FBXW7: variants seen among roughly 807,000 people sequenced by gnomAD.
FBXW7 encodes the protein F-box and WD repeat domain containing 7, also known as F-box/WD repeat-containing protein 7.
FBXW7 carries 11 observed loss-of-function variants against 86.3 expected under a neutral mutation model. That is an observed-to-expected ratio of 0.13 (90% CI 0.08 to 0.21). The LOEUF is 0.21. FBXW7 is among the 10% of genes least tolerant of loss of function. The probability of loss-of-function intolerance (pLI) is 1.00; values close to 1 mark genes in which losing one functional copy is unlikely to be tolerated. For missense variants in FBXW7, 488 were observed against 847.4 expected (o/e 0.58, Z 5.27); for synonymous variants, 313 against 297.9 (o/e 1.05, Z -0.52).
chr4:152,355,439 A>G (rs1424895095), intron 4 of FBXW7, among the ~76,000 whole-genome samples: 1 of 152,154 alleles, frequency 6.6e-6, no homozygotes, highest in Non-Finnish European at 1.5e-5. Flanking sequence ...CACAGGAAAG[A>G]AGGTCAACCA....
chr4:152,461,368 T>C (rs986118109), intron 2 of FBXW7, among the ~76,000 whole-genome samples: 7 of 152,240 alleles, frequency 4.6e-5, no homozygotes, highest in Non-Finnish European at 8.8e-5. Flanking sequence ...TGATCTCCTA[T>C]CTATTCACTG....
At chr4:152,349,174 GAATAAA>G (rs1405709917) in intron 5 of FBXW7, among the ~76,000 whole-genome samples, 2 of 152,014 alleles carry the variant, frequency 1.3e-5, no homozygotes, top group South Asian at 2.1e-4. Flanking sequence ...GCATCTTATA[GAATAAA>G]AATAACTAAA....
In FBXW7 at chr4:152,447,061, T is replaced by C. The variant is rs182118051; in HGVS notation, c.-119-34532A>G. ...TTTAAAGTATCTGAATTAAAGGAAA[T>C]GTGCAGACTAGCACAGATAATATTT... On this transcript the variant is annotated intron_variant, in intron 2 of 13. Coordinates refer to ENST00000281708, the MANE Select transcript of FBXW7 (RefSeq NM_001349798.2). Among the ~76,000 whole-genome samples, 28 of 152,322 alleles carry C rather than the reference T, an allele frequency of 1.8e-4. 1 individual carries two copies. The East Asian group carries it at 5.0e-3, about 27-fold the overall frequency.
intron 2 of FBXW7, chr4:152,489,467 CTA>C (rs777290018): frequency 3.9e-5 from 6 of 152,686 alleles, no homozygotes; most frequent in Non-Finnish European, 5.9e-5. Flanking sequence ...CTCAGTATAA[CTA>C]TATACCTACT....
rs140856583 is a variant in FBXW7 at position 152,322,985 on chromosome 4, G to T, written c.2020C>A (p.Arg674=). 7.8e-4 allele frequency: 1,258 copies of T among 1,613,528 alleles called. No homozygotes were observed. Among genetic ancestry groups the T allele is most frequent in the Non-Finnish European group, 9.5e-4 (1,118 of 1,179,758 alleles). The change falls in exon 14 of 14, where the codon CGG becomes AGG. Residue 674 remains arginine (R), a synonymous_variant. Coordinates refer to ENST00000281708, the MANE Select transcript of FBXW7 (RefSeq NM_001349798.2). ...ESGGSGGVVW[R]IRASNTKLVC... ...AGCTTTGTGTTTGAGGCTCTGATCCGCCACACAACTCCCCCACTCCCCCCA... is the reference window on the plus strand; with the variant it reads ...AGCTTTGTGTTTGAGGCTCTGATCCTCCACACAACTCCCCCACTCCCCCCA...
At chr4:152,337,060 A>C (rs1392167182) in intron 7 of FBXW7, among the ~76,000 whole-genome samples, 1 of 151,990 alleles carries the variant, frequency 6.6e-6, no homozygotes, top group African/African-American at 2.4e-5. Context: ...CTGTTCACTG[A>C]CAAAATTACT....
intron 2 of FBXW7, among the ~76,000 whole-genome samples, chr4:152,440,414 A>G (rs551734795): frequency 5.3e-4 from 80 of 152,336 alleles, no homozygotes; most frequent in Non-Finnish European, 8.2e-4. Context: ...AACAATAACA[A>G]TAACAAAAAT....
rs1018815026 is a variant in FBXW7 at position 152,398,718 on chromosome 4, T to C, written c.501+12585A>G. Among the ~76,000 whole-genome samples, 4 of 152,058 alleles carry C rather than the reference T, an allele frequency of 2.6e-5. No individual in the cohort carries two copies. In the South Asian group the frequency reaches 6.2e-4, roughly 24 times the overall value. On this transcript the variant is annotated intron_variant, in intron 4 of 13. Transcript: ENST00000281708. The stretch of plus-strand genomic sequence containing the variant: ...CTGATCCATCCAACTTGATTCTTTT[T>C]ATCATATTAATTTATAGAAAATAGA...
intron 2 of FBXW7, among the ~76,000 whole-genome samples, chr4:152,430,557 G>A (rs537724424): frequency 2.2e-3 from 338 of 151,578 alleles, no homozygotes; most frequent in Non-Finnish European, 3.5e-3. Flanking sequence ...AAAAAAGAAA[G>A]AAAAAAGAAC....
intron 2 of FBXW7, among the ~76,000 whole-genome samples, chr4:152,496,328 C>A (rs181451214): frequency 3.3e-5 from 5 of 151,934 alleles, no homozygotes; most frequent in Admixed American, 1.3e-4. Context: ...AAAAATTTGC[C>A]ATTCACGATG....
intron 12 of FBXW7, 40 bp from the exon 13 acceptor site, chr4:152,324,434 C>T (rs962968551): frequency 1.4e-6 from 2 of 1,467,994 alleles, no homozygotes; most frequent in African/African-American, 1.4e-5. Context: ...AGTATGGATA[C>T]TCTTCCTATC....
intron 2 of FBXW7, among the ~76,000 whole-genome samples, chr4:152,515,365 G>A (rs1353259981): frequency 6.6e-6 from 1 of 152,156 alleles, no homozygotes. Flanking sequence ...GGGGCATGAG[G>A]AATCTTTTGA....
intron 2 of FBXW7, among the ~76,000 whole-genome samples, chr4:152,524,275 A>G (rs937350238): frequency 1.3e-5 from 2 of 152,198 alleles, no homozygotes; most frequent in African/African-American, 2.4e-5. Flanking sequence ...TATCAACTCC[A>G]AAGCTTGCCT....
At chr4:152,505,560 A>G (rs1747340971) in intron 2 of FBXW7, among the ~76,000 whole-genome samples, 1 of 152,030 alleles carries the variant, frequency 6.6e-6, no homozygotes, top group Admixed American at 6.6e-5. Flanking sequence ...TAAGACACAA[A>G]TATACACAAT....
At chr4:152,526,553 A>G (rs956097034) in intron 2 of FBXW7, among the ~76,000 whole-genome samples, 1 of 152,242 alleles carries the variant, frequency 6.6e-6, no homozygotes, top group Non-Finnish European at 1.5e-5. Context: ...TAGTTAAAAT[A>G]GAATCATGTA....
At chr4:152,404,002 T>A (rs1004532537) in intron 4 of FBXW7, among the ~76,000 whole-genome samples, 1 of 152,208 alleles carries the variant, frequency 6.6e-6, no homozygotes, top group African/African-American at 2.4e-5. Context: ...CTATTACTCT[T>A]CTAATAACGT....
intron 2 of FBXW7, among the ~76,000 whole-genome samples, chr4:152,458,042 C>T (rs564390478): frequency 6.6e-6 from 1 of 152,128 alleles, no homozygotes; most frequent in Admixed American, 6.5e-5. Context: ...TGGAGTCTCG[C>T]TCTGTTGGCA....
intron 2 of FBXW7, among the ~76,000 whole-genome samples, chr4:152,431,072 T>C (rs760592320): frequency 1.1e-4 from 16 of 152,216 alleles, no homozygotes; most frequent in Non-Finnish European, 4.4e-5. Context: ...TCTGAGAGTC[T>C]ATCTGTCAAT....
intron 2 of FBXW7, among the ~76,000 whole-genome samples, chr4:152,507,402 T>C (rs897139405): frequency 1.3e-5 from 2 of 152,200 alleles, no homozygotes; most frequent in Non-Finnish European, 2.9e-5. Context: ...AAGGAAAAAA[T>C]TCAATTGTGT....
Sources: gnomAD v4.1 joint callset for allele counts (sites outside exome capture counted in the v4.1 genomes callset) on GRCh38, gnomAD v4.1.1 for gene constraint, MANE v1.5 for transcripts, NCBI Gene and HGNC (gene_info 2026-07-23, HGNC 2026-07-21) for gene names.